The following WWOX variants were observed in gnomAD, a reference collection of about 807,000 sequenced individuals.
The protein encoded by WWOX is WW domain-containing oxidoreductase.
WWOX carries 69 observed loss-of-function variants against 46.2 expected under a neutral mutation model. That is an observed-to-expected ratio of 1.49 (90% confidence interval 1.23 to 1.82). The LOEUF (loss-of-function observed/expected upper bound fraction) is 1.82. Among genes scored for constraint, WWOX ranks in the 40% most tolerant of loss-of-function variants. The probability of loss-of-function intolerance (pLI) is 0.00; values close to 1 mark genes in which losing one functional copy is unlikely to be tolerated. For missense variants in WWOX, 919 were observed against 542.6 expected (o/e 1.69, Z -6.89); for synonymous variants, 359 against 202.6 (o/e 1.77, Z -6.56).
In WWOX at chr16:78,740,411, C is replaced by T. The variant is rs547982628; in HGVS notation, c.1056+307659C>T. 2.6e-5 allele frequency among the ~76,000 whole-genome samples: 4 copies of T among 152,274 alleles called. No homozygotes were observed. In the East Asian group the frequency reaches 5.8e-4, roughly 22 times the overall value. ...ATGGCTCTGCTAATAGGGTTGGCAG[C>T]GTCCTTTGGCTTGGACCTTTGGACC... On this transcript the variant is annotated intron_variant, in intron 8 of 8. Coordinates refer to ENST00000566780, the MANE Select transcript of WWOX (RefSeq NM_016373.4).
intron 4 of WWOX, among the ~76,000 whole-genome samples, chr16:78,143,752 G>GTT (rs200125720): frequency 0.3 from 36,515 of 119,932 alleles, 5,879 homozygotes; most frequent in Non-Finnish European, 0.33. Flanking sequence ...GAATTGGTAT[G>GTT]TTTTTTTTTT....
chr16:78,566,930 C>G (rs150221930), intron 8 of WWOX, among the ~76,000 whole-genome samples: 4 of 152,086 alleles, frequency 2.6e-5, no homozygotes, highest in Admixed American at 2.0e-4. Flanking sequence ...GCAGCAGTAT[C>G]GATAGCAATC....
chr16:78,646,862 C>T (rs958747891), intron 8 of WWOX, among the ~76,000 whole-genome samples: 5 of 152,160 alleles, frequency 3.3e-5, no homozygotes, highest in Non-Finnish European at 7.3e-5. Flanking sequence ...TCTGCTGTGT[C>T]ACGCTGTGTT....
In WWOX at chr16:78,402,692, G is replaced by A. The variant is rs139096990; in HGVS notation, c.605+15744G>A. ...ACGATCAAAGCCAACAAGAGACAAG[G>A]TGTTACATGACTCATTTTCGGTTTA... On this transcript the variant is annotated intron_variant, in intron 6 of 8. Transcript: ENST00000566780. Among the ~76,000 whole-genome samples, 187 of 152,254 alleles carry A rather than the reference G, an allele frequency of 1.2e-3. 1 individual carries two copies. Among genetic ancestry groups the A allele is most frequent in the African/African-American group, 4.3e-3 (180 of 41,554 alleles).
chr16:78,651,087 G>A (rs1252562841), intron 8 of WWOX, among the ~76,000 whole-genome samples: 2 of 152,212 alleles, frequency 1.3e-5, no homozygotes, highest in Admixed American at 6.5e-5. Context: ...TATTCACGAG[G>A]AGGTTAGACC....
Position 78,702,263 on chromosome 16 carries a change from G to A in WWOX, c.1056+269511G>A, listed in dbSNP as rs566510231. The stretch of plus-strand genomic sequence containing the variant: ...CCACTATACTCCAGCCTGGGTGACA[G>A]AGTGAGACTTTGTCTCAAAAATAAA... On this transcript the variant is annotated intron_variant, in intron 8 of 8. Transcript: ENST00000566780. Among the ~76,000 whole-genome samples, 13 of 150,680 alleles carry A rather than the reference G, an allele frequency of 8.6e-5. No homozygotes were observed. In the East Asian group the frequency reaches 2.5e-3, roughly 29 times the overall value.
intron 8 of WWOX, among the ~76,000 whole-genome samples, chr16:78,790,545 C>T (rs1280953141): frequency 6.6e-6 from 1 of 152,266 alleles, no homozygotes; most frequent in Admixed American, 6.5e-5. Flanking sequence ...GTATCTACTA[C>T]CGTGGACAAC....
At chr16:78,494,477 C>A (rs570942683) in intron 8 of WWOX, among the ~76,000 whole-genome samples, 2 of 62,556 alleles carry the variant, frequency 3.2e-5, no homozygotes, top group Admixed American at 5.4e-4. Flanking sequence ...AAGATTGATA[C>A]AAACACAAGC....
intron 8 of WWOX, among the ~76,000 whole-genome samples, chr16:78,816,231 C>T (rs935720202): frequency 1.3e-5 from 2 of 152,128 alleles, no homozygotes; most frequent in East Asian, 3.9e-4. Context: ...TGGATAGGAC[C>T]AGGAAGCCAG....
intron 8 of WWOX, among the ~76,000 whole-genome samples, chr16:79,174,732 T>C (rs2050767288): frequency 6.6e-6 from 1 of 152,188 alleles, no homozygotes; most frequent in Non-Finnish European, 1.5e-5. Flanking sequence ...CCTAGATGGT[T>C]CTTTTAGAAT....
intron 8 of WWOX, among the ~76,000 whole-genome samples, chr16:78,760,791 T>C (rs1414777155): frequency 3.3e-5 from 5 of 152,188 alleles, no homozygotes; most frequent in African/African-American, 9.6e-5. Context: ...TTCACTCTGC[T>C]GATAAAGACA....
chr16:78,418,463 C>T (rs1182500593), intron 6 of WWOX, among the ~76,000 whole-genome samples: 1 of 151,924 alleles, frequency 6.6e-6, no homozygotes, highest in East Asian at 1.9e-4. Context: ...TGTGAAGCCA[C>T]TATTACTCTG....
intron 8 of WWOX, among the ~76,000 whole-genome samples, chr16:78,472,861 T>A (rs1385903299): frequency 1.4e-5 from 2 of 147,576 alleles, no homozygotes; most frequent in African/African-American, 5.0e-5. Context: ...TGTCACAGCG[T>A]CAGCAGAATA....
intron 8 of WWOX, among the ~76,000 whole-genome samples, chr16:78,972,203 G>C (rs759771574): frequency 6.6e-6 from 1 of 152,132 alleles, no homozygotes; most frequent in Non-Finnish European, 1.5e-5. Context: ...ATCAGCTGCC[G>C]TGCTTGGAGG....
At chr16:78,692,824 A>G (rs375522620) in intron 8 of WWOX, among the ~76,000 whole-genome samples, 3 of 152,244 alleles carry the variant, frequency 2.0e-5, no homozygotes, top group East Asian at 3.8e-4. Flanking sequence ...AAACCAAGGC[A>G]TATTTTCTTA....
chr16:78,658,978 G>C lies in WWOX; in HGVS notation c.1056+226226G>C, dbSNP rs149938601. Among the ~76,000 whole-genome samples the C allele has an allele frequency of 7.2e-3, 921 of 127,888 alleles. 11 individuals are homozygous for C. Among genetic ancestry groups the C allele is most frequent in the African/African-American group, 0.025 (887 of 35,014 alleles). 83.9% of individuals were successfully genotyped at this position (127,888 alleles called of 152,430 possible). On this transcript the variant is annotated intron_variant, in intron 8 of 8. Coordinates refer to ENST00000566780, the MANE Select transcript of WWOX (RefSeq NM_016373.4). ...ATGGTGGTGCGTGCCTGTAGTCCTA[G>C]CTACTTGGGAGGCTGAGGCAGAAGA...
chr16:79,089,641 C>T (rs1200598888), intron 8 of WWOX, among the ~76,000 whole-genome samples: 1 of 152,140 alleles, frequency 6.6e-6, no homozygotes, highest in Non-Finnish European at 1.5e-5. Context: ...AGGTGGCAAT[C>T]TTTATACATA....
chr16:78,680,652 C>G (rs1028306123), intron 8 of WWOX, among the ~76,000 whole-genome samples: 3 of 152,058 alleles, frequency 2.0e-5, no homozygotes, highest in Non-Finnish European at 2.9e-5. Flanking sequence ...CAATCTCTCA[C>G]TCACACATTA....
intron 8 of WWOX, among the ~76,000 whole-genome samples, chr16:78,814,623 G>C (rs1159900995): frequency 2.0e-5 from 3 of 152,122 alleles, no homozygotes; most frequent in African/African-American, 7.2e-5. Flanking sequence ...GGATTACATT[G>C]GTTCTTTTCT....
Sources: allele counts gnomAD v4.1 joint callset (sites outside exome capture counted in the v4.1 genomes callset), GRCh38; gene constraint gnomAD v4.1.1; transcripts MANE v1.5; gene names NCBI Gene and HGNC (gene_info 2026-07-23, HGNC 2026-07-21).